MSI2: variants seen among roughly 807,000 people sequenced by gnomAD.
MSI2 encodes the protein musashi RNA binding protein 2, also known as RNA-binding protein Musashi homolog 2.
Under a neutral mutation model 45.6 loss-of-function variants are expected in MSI2, and 17 were observed. The ratio of observed to expected loss-of-function variants is 0.37; its 90% CI spans 0.26 to 0.56. MSI2 has a LOEUF of 0.56. Ranked by LOEUF, MSI2 falls within the 20% of genes least tolerant of loss-of-function variation. The pLI, the probability that MSI2 is intolerant of heterozygous loss-of-function variation, is 0.77. For synonymous variants in MSI2, 156 were observed against 158.2 expected (o/e 0.99, Z 0.11); for missense variants, 293 against 444.2 (o/e 0.66, Z 3.06).
At chr17:57,667,988 C>T (rs971179265) in intron 11 of MSI2, among the ~76,000 whole-genome samples, 1 of 152,172 alleles carries the variant, frequency 6.6e-6, no homozygotes, top group Non-Finnish European at 1.5e-5. Flanking sequence ...CACCTGAGGT[C>T]AGGAGTTCGA....
In MSI2 at chr17:57,489,558, G is replaced by T. The variant is rs538762978; in HGVS notation, c.406-40118G>T. Reference sequence around the variant, plus strand: ...GTCCCTCAGTGGACAGAGGCCGGCGGGGCCAGCTGGTACAGCCCAGCAGCT... The same window carrying T: ...GTCCCTCAGTGGACAGAGGCCGGCGTGGCCAGCTGGTACAGCCCAGCAGCT... On this transcript the variant is annotated intron_variant, in intron 6 of 13. Transcript: ENST00000284073. Among the ~76,000 whole-genome samples, 5 of 152,372 alleles carry T rather than the reference G, an allele frequency of 3.3e-5. No individual in the cohort carries two copies. In the South Asian group the frequency reaches 1.0e-3, roughly 32 times the overall value.
At chr17:57,575,668 G>A (rs540168564) in intron 7 of MSI2, among the ~76,000 whole-genome samples, 3 of 152,260 alleles carry the variant, frequency 2.0e-5, no homozygotes, top group South Asian at 2.1e-4. Flanking sequence ...AAAAGGAGCC[G>A]GGCGCGGTGG....
chr17:57,277,546 CG>C lies in MSI2; in HGVS notation c.312+15357del, dbSNP rs1342889254. Among the ~76,000 whole-genome samples the C allele has an allele frequency of 5.3e-5, 8 of 152,140 alleles. No individual in the cohort carries two copies. In the East Asian group the frequency reaches 1.5e-3, roughly 29 times the overall value. On this transcript the variant is annotated intron_variant, in intron 5 of 13. Coordinates refer to ENST00000284073, the MANE Select transcript of MSI2 (RefSeq NM_138962.4). ...ATGTTTCGATTTCCCCATCTGTAGA[CG>C]GGAAGAATGAAGGCATGTGGTGGGA...
At chr17:57,691,196 C>CATCTA in the MSI2 span, among the ~76,000 whole-genome samples, 7 of 129,974 alleles carry the variant, frequency 5.4e-5, no homozygotes, top group African/African-American at 2.0e-4. Flanking sequence ...CTCTCTCTCT[C>CATCTA]TCTCATCTAT....
chr17:57,531,420 G>A (rs565705506), intron 7 of MSI2, among the ~76,000 whole-genome samples: 12 of 152,192 alleles, frequency 7.9e-5, no homozygotes, highest in Non-Finnish European at 1.5e-4. Flanking sequence ...AATAACCAAG[G>A]CTCAGAGGAG....
intron 5 of MSI2, among the ~76,000 whole-genome samples, chr17:57,320,826 AAAG>A (rs1161617656): frequency 6.6e-6 from 1 of 152,016 alleles, no homozygotes; most frequent in Non-Finnish European, 1.5e-5. Context: ...AGGAAGGGAG[AAAG>A]AAGAGACATG....
intron 7 of MSI2, among the ~76,000 whole-genome samples, chr17:57,567,081 T>A (rs1393756259): frequency 2.6e-5 from 4 of 152,164 alleles, no homozygotes; most frequent in African/African-American, 9.7e-5. Context: ...TATTAATGGA[T>A]GGAAGGGTCT....
At chr17:57,459,786 G>C (rs892122249) in intron 6 of MSI2, among the ~76,000 whole-genome samples, 1 of 152,066 alleles carries the variant, frequency 6.6e-6, no homozygotes, top group African/African-American at 2.4e-5. Context: ...TTGAGCCCAG[G>C]AATTCAAGAC....
chr17:57,539,599 G>A (rs2144117326), intron 7 of MSI2, among the ~76,000 whole-genome samples: 1 of 8,966 alleles, frequency 1.1e-4, no homozygotes, highest in Non-Finnish European at 2.1e-4. Context: ...GGCTGAGGCA[G>A]GAAAATTGCT....
chr17:57,577,556 ACAAG>A (rs1385017334), intron 7 of MSI2, among the ~76,000 whole-genome samples: 3 of 152,344 alleles, frequency 2.0e-5, no homozygotes, highest in East Asian at 1.9e-4. Context: ...TAGATGATAG[ACAAG>A]CAAGAGAAAA....
chr17:57,438,163 C>T (rs987320313), intron 6 of MSI2, among the ~76,000 whole-genome samples: 4 of 152,110 alleles, frequency 2.6e-5, no homozygotes, highest in African/African-American at 7.2e-5. Flanking sequence ...TGGTTTAGCC[C>T]GAGCTGGGGT....
intron 6 of MSI2, among the ~76,000 whole-genome samples, chr17:57,433,169 G>A (rs950829425): frequency 6.6e-6 from 1 of 152,138 alleles, no homozygotes; most frequent in Non-Finnish European, 1.5e-5. Context: ...CACTGCAGGC[G>A]GCTTCTCTAA....
chr17:57,513,821 C>G (rs2086410254), intron 6 of MSI2, among the ~76,000 whole-genome samples: 2 of 152,124 alleles, frequency 1.3e-5, no homozygotes, highest in African/African-American at 4.8e-5. Flanking sequence ...CTTGGAAATT[C>G]CTATCGTTCT....
chr17:57,536,649 G>A (rs1187114716), intron 7 of MSI2, among the ~76,000 whole-genome samples: 1 of 152,176 alleles, frequency 6.6e-6, no homozygotes, highest in Non-Finnish European at 1.5e-5. Context: ...GGGGTTTATT[G>A]GAAGCCTGTA....
chr17:57,326,536 A>AT (rs1913808428), intron 5 of MSI2, among the ~76,000 whole-genome samples: 1 of 152,186 alleles, frequency 6.6e-6, no homozygotes, highest in Non-Finnish European at 1.5e-5. Flanking sequence ...CCTAGTCAAT[A>AT]TCTTTGTGTT....
chr17:57,410,331 T>C (rs1015129356), intron 6 of MSI2, among the ~76,000 whole-genome samples: 17 of 151,940 alleles, frequency 1.1e-4, no homozygotes, highest in African/African-American at 4.1e-4. Flanking sequence ...CATACCTGTT[T>C]ACATTCTGCC....
chr17:57,297,179 T>G (rs917018568), intron 5 of MSI2, among the ~76,000 whole-genome samples: 2 of 135,996 alleles, frequency 1.5e-5, no homozygotes, highest in Non-Finnish European at 3.1e-5. Flanking sequence ...CTGGGCCCAG[T>G]TTTTTTTTGT....
At chr17:57,412,037 T>C (rs2084207273) in intron 6 of MSI2, among the ~76,000 whole-genome samples, 1 of 151,684 alleles carries the variant, frequency 6.6e-6, no homozygotes, top group Non-Finnish European at 1.5e-5. Context: ...ATTACTATGG[T>C]ACCTCTTTGA....
At chr17:57,484,907 TC>T (rs2085721762) in intron 6 of MSI2, among the ~76,000 whole-genome samples, 1 of 152,218 alleles carries the variant, frequency 6.6e-6, no homozygotes, top group Non-Finnish European at 1.5e-5. Flanking sequence ...TGCTTCTCTC[TC>T]GGGGAAACAT....
Sources: gnomAD v4.1 joint callset for allele counts (sites outside exome capture counted in the v4.1 genomes callset) on GRCh38, gnomAD v4.1.1 for gene constraint, MANE v1.5 for transcripts, NCBI Gene and HGNC (gene_info 2026-07-23, HGNC 2026-07-21) for gene names.